ABCA13: variants seen among roughly 807,000 people sequenced by gnomAD.
ABCA13 encodes ATP-binding cassette sub-family A member 13.
Under a neutral mutation model 478.7 loss-of-function variants are expected in ABCA13, and 476 were observed. That is an observed-to-expected ratio of 0.99 (90% CI 0.92 to 1.07). The LOEUF is 1.07. ABCA13 is among the 50% of genes least tolerant of loss of function. The probability of loss-of-function intolerance (pLI) is 0.00; values close to 1 mark genes in which losing one functional copy is unlikely to be tolerated. For synonymous variants in ABCA13, 2,252 were observed against 2,158.9 expected, an observed-to-expected ratio of 1.04 and a Z score of -1.20; for missense variants, 6,060 against 5,910.6, an observed-to-expected ratio of 1.03 and a Z score of -0.83.
intron 29 of ABCA13, among the ~76,000 whole-genome samples, chr7:48,349,859 A>C (rs1038311291): frequency 6.6e-6 from 1 of 152,242 alleles, no homozygotes; most frequent in African/African-American, 2.4e-5. Flanking sequence ...AGCAGGAAGC[A>C]GTGACTGCAC....
chr7:48,494,096 T>A (rs1830065251), intron 48 of ABCA13, among the ~76,000 whole-genome samples: 1 of 152,116 alleles, frequency 6.6e-6, no homozygotes, highest in Non-Finnish European at 1.5e-5. Flanking sequence ...CATTTGTATA[T>A]CTCTTTTGGA....
chr7:48,447,478 A>T (rs951848158), intron 42 of ABCA13, among the ~76,000 whole-genome samples: 2 of 152,176 alleles, frequency 1.3e-5, no homozygotes, highest in African/African-American at 4.8e-5. Context: ...TACTTTGTTA[A>T]CTACTTTAAC....
chr7:48,440,840 C>A (rs1014184643), intron 42 of ABCA13, among the ~76,000 whole-genome samples: 1 of 151,746 alleles, frequency 6.6e-6, no homozygotes, highest in Non-Finnish European at 1.5e-5. Context: ...AAATAAAACA[C>A]GTGCAATAAA....
At chr7:48,219,645 G>T (rs1787044122) in intron 4 of ABCA13, 140 bp downstream of exon 4, 1 of 1,134,652 alleles carries the variant, frequency 8.8e-7, no homozygotes, top group Non-Finnish European at 1.2e-6. Context: ...TGATGGATGA[G>T]GCCAGCACCT....
intron 13 of ABCA13, among the ~76,000 whole-genome samples, chr7:48,247,450 G>T (rs1180292103): frequency 6.6e-6 from 1 of 152,026 alleles, no homozygotes; most frequent in African/African-American, 2.4e-5. Flanking sequence ...TATACTTGAG[G>T]TAGCCTTTTG....
At chr7:48,188,738 A>G (rs1796689691) in intron 1 of ABCA13, among the ~76,000 whole-genome samples, 1 of 151,954 alleles carries the variant, frequency 6.6e-6, no homozygotes, top group Admixed American at 6.6e-5. Context: ...TTTTGTGTAC[A>G]TGTTCATCTG....
At chr7:48,260,922 G>C (rs910028798) in intron 15 of ABCA13, among the ~76,000 whole-genome samples, 1 of 151,788 alleles carries the variant, frequency 6.6e-6, no homozygotes, top group East Asian at 1.9e-4. Context: ...TTTTAGAGAA[G>C]CATATCTTCC....
intron 53 of ABCA13, among the ~76,000 whole-genome samples, chr7:48,520,699 C>T (rs1218059581): frequency 6.6e-6 from 1 of 152,132 alleles, no homozygotes; most frequent in Non-Finnish European, 1.5e-5. Flanking sequence ...CTATCCCTCC[C>T]CTCTCCAACC....
At chr7:48,331,832 A>T (rs1441926409) in intron 27 of ABCA13, among the ~76,000 whole-genome samples, 1 of 152,150 alleles carries the variant, frequency 6.6e-6, no homozygotes, top group Admixed American at 6.5e-5. Flanking sequence ...ACTGAAGCAG[A>T]ACAACCATAT....
chr7:48,338,964 C>T (rs1324477243), intron 29 of ABCA13, among the ~76,000 whole-genome samples: 1 of 152,148 alleles, frequency 6.6e-6, no homozygotes. Flanking sequence ...CATAGAGGGG[C>T]ATAAAATATT....
At chr7:48,490,983 A>G (rs549805895) in intron 48 of ABCA13, among the ~76,000 whole-genome samples, 7 of 152,290 alleles carry the variant, frequency 4.6e-5, no homozygotes, top group Admixed American at 3.9e-4. Context: ...AAAAAATGAT[A>G]AATTTCAGAC....
At chr7:48,294,731 C>T (rs1421451203) in intron 20 of ABCA13, among the ~76,000 whole-genome samples, 8 of 152,150 alleles carry the variant, frequency 5.3e-5, no homozygotes, top group Non-Finnish European at 8.8e-5. Flanking sequence ...CAGGCGTGAG[C>T]CACCGCGCCC....
chr7:48,420,824 T>G (rs1820646000), intron 41 of ABCA13, among the ~76,000 whole-genome samples: 1 of 151,570 alleles, frequency 6.6e-6, no homozygotes, highest in Non-Finnish European at 1.5e-5. Context: ...ATTGTGCCCC[T>G]CATGTCCCTA....
intron 41 of ABCA13, among the ~76,000 whole-genome samples, chr7:48,422,055 CAAAAA>C (rs4022355): frequency 1.1e-4 from 9 of 80,566 alleles, no homozygotes; most frequent in South Asian, 5.3e-4. Context: ...GTCTTTCTTA[CAAAAA>C]AAAAAAAAAA....
rs372709115 is a variant in ABCA13 at position 48,507,945 on chromosome 7, G to A, written c.13420G>A (p.Gly4474Ser). The A allele has an allele frequency of 5.1e-5, 83 of 1,613,456 alleles. No individual in the cohort carries two copies. The highest frequency in any genetic ancestry group is 9.3e-5 in the African/African-American group (7 of 74,890). ...LGFSILSASIGSSVVRDRVIG... is the reference protein window; with the variant it reads ...LGFSILSASISSSVVRDRVIG... ...ATTCTCCATCCTGTCTGCATCCATC[G>A]GCAGCTCTGTGGTGAGGGACAGGGT... The change falls in exon 50 of 62, where the codon GGC becomes AGC. Residue 4474 changes from glycine to serine, a missense_variant. Transcript: ENST00000435803.
intron 32 of ABCA13, among the ~76,000 whole-genome samples, chr7:48,369,046 G>A (rs537860783): frequency 2.6e-5 from 4 of 151,718 alleles, no homozygotes; most frequent in East Asian, 1.9e-4. Flanking sequence ...CTTTTTCACC[G>A]CATCCATGCC....
intron 47 of ABCA13, among the ~76,000 whole-genome samples, chr7:48,487,345 AACAAAC>A (rs1829425729): frequency 6.6e-6 from 1 of 151,610 alleles, no homozygotes; most frequent in African/African-American, 2.4e-5. Context: ...AAAAAAAACA[AACAAAC>A]ACAAACAGAA....
chr7:48,584,457 C>T (rs919097946), intron 56 of ABCA13, among the ~76,000 whole-genome samples: 14 of 152,148 alleles, frequency 9.2e-5, no homozygotes, highest in African/African-American at 3.1e-4. Context: ...TACATTTTCT[C>T]CAGGTACACT....
At chr7:48,218,892 CTG>C (rs1786894969) in intron 3 of ABCA13, among the ~76,000 whole-genome samples, 3 of 152,252 alleles carry the variant, frequency 2.0e-5, no homozygotes, top group Admixed American at 2.0e-4. Context: ...ATGTTGACAA[CTG>C]TTAATTCATT....
Sources: allele counts gnomAD v4.1 joint callset (sites outside exome capture counted in the v4.1 genomes callset), GRCh38; gene constraint gnomAD v4.1.1; transcripts MANE v1.5; gene names NCBI Gene and HGNC (gene_info 2026-07-23, HGNC 2026-07-21).